Variants in VPS51 observed in about 807,000 individuals in gnomAD.
VPS51 encodes the protein vacuolar protein sorting-associated protein 51 homolog.
VPS51 carries 55 observed loss-of-function variants against 65.1 expected under a neutral mutation model. The ratio of observed to expected loss-of-function variants is 0.84; its 90% CI spans 0.68 to 1.06. The LOEUF (loss-of-function observed/expected upper bound fraction) is 1.06, where lower values mean the gene tolerates loss of function less well. Ranked by LOEUF, VPS51 falls within the 50% of genes least tolerant of loss-of-function variation. VPS51 has a pLI of 0.00. For missense variants in VPS51, 943 were observed against 1,101.6 expected (o/e 0.86, Z 2.04); for synonymous variants, 473 against 489.5 (o/e 0.97, Z 0.44).
At chr11:65,101,650 C>G (rs1202446674) in intron 2 of VPS51, among the ~76,000 whole-genome samples, 2 of 149,526 alleles carry the variant, frequency 1.3e-5, no homozygotes, top group Non-Finnish European at 3.0e-5. Context: ...CCCTGTAGTC[C>G]GAGCTGCTCA....
At position 65,108,218 on chromosome 11, in the gene VPS51, G is replaced by T; in HGVS notation, c.747G>T (p.Pro249=). The change falls in exon 5 of 10, where the codon CCG becomes CCT. Residue 249 remains proline (P), a synonymous_variant. Transcript: ENST00000279281. ...GCAGGGAGGGCGGCTCAGGCGCCCC[G>T]GAGCAGGCAGAGTGCGTGGAGCTGC... is the stretch of plus-strand genomic sequence containing the variant. ...QRFREGGSGA[P]EQAECVELLL... 1 of 1,599,718 alleles carries T rather than the reference G, an allele frequency of 6.3e-7. No homozygotes were observed.
In VPS51 at chr11:65,096,489, A is replaced by T; in HGVS notation, c.228+11A>T. The T allele has an allele frequency of 3.2e-6, 2 of 623,408 alleles. No homozygotes were observed. Among genetic ancestry groups the T allele is most frequent in the Non-Finnish European group, 5.1e-6 (2 of 395,188 alleles). 38.6% of individuals were successfully genotyped at this position (623,408 alleles called of 1,614,324 possible). A position where few individuals can be genotyped will look rare whatever the true frequency, so the allele number is the denominator to read the frequency against. On this transcript the variant is annotated intron_variant, in intron 1 of 9. Transcript: ENST00000279281. ...GTTTACCTAGACAAGGTGTGTGCGC[A>T]CGGGGAGTGGGGGGGTGCGGGGAGG...
chr11:65,101,762 C>CA (rs1165429983), intron 2 of VPS51, among the ~76,000 whole-genome samples: 6,907 of 26,264 alleles, frequency 0.26, 2,106 homozygotes, highest in Middle Eastern at 0.5. Context: ...GACCTTGTCT[C>CA]AAAAAAAAAA....
At position 65,108,129 on chromosome 11, in the gene VPS51, G is replaced by T; in HGVS notation, c.726-68G>T. On this transcript the variant is annotated intron_variant, in intron 4 of 9. Transcript: ENST00000279281. ...TGTCCCCCTGCCCTGTGTGTGCTTT[G>T]CTTTCCTGCTCCTGCCCCATCCACC... The T allele has an allele frequency of 6.4e-7, 1 of 1,557,868 alleles. No individual in the cohort carries two copies.
intron 9 of VPS51, chr11:65,111,119 A>C: frequency 1.2e-6 from 1 of 808,532 alleles, no homozygotes; most frequent in South Asian, 1.5e-5. Context: ...AAGCTCAGGG[A>C]TGCCTCTGAT....
At chr11:65,102,828 C>T (rs1170969364) in intron 2 of VPS51, among the ~76,000 whole-genome samples, 1 of 152,144 alleles carries the variant, frequency 6.6e-6, no homozygotes, top group African/African-American at 2.4e-5. Context: ...TCCTTTAGTT[C>T]ACCATCTATG....
chr11:65,098,018 C>T (rs1392197378), intron 2 of VPS51, among the ~76,000 whole-genome samples: 1 of 151,434 alleles, frequency 6.6e-6, no homozygotes, highest in Non-Finnish European at 1.5e-5. Flanking sequence ...CCCATCTCTA[C>T]TAAAAATAAA....
chr11:65,111,603 T>C lies in VPS51; in HGVS notation c.*16T>C, dbSNP rs1270449118. On this transcript the variant is annotated 3_prime_UTR_variant, in exon 10 of 10. Transcript: ENST00000279281. ...GCGCGGCTAGGCGCAGCCGCTGCCA[T>C]GCACCGGTCTGTCCCTGCACCCCAT... 1 of 1,594,276 alleles carries C rather than the reference T, an allele frequency of 6.3e-7. No individual in the cohort carries two copies. The highest frequency in any genetic ancestry group is 8.5e-7 in the Non-Finnish European group (1 of 1,175,868).
At chr11:65,100,525 G>GTTTTTTTTTTTTT in intron 2 of VPS51, among the ~76,000 whole-genome samples, 1 of 65,614 alleles carries the variant, frequency 1.5e-5, no homozygotes, top group Non-Finnish European at 2.8e-5. Flanking sequence ...TCATAGCAGT[G>GTTTTTTTTTTTTT]TTTTTTTTTT....
At chr11:65,110,664 G>A in intron 8 of VPS51, 30 bp from the exon 9 acceptor site, 1 of 1,614,158 alleles carries the variant, frequency 6.2e-7, no homozygotes, top group Non-Finnish European at 8.5e-7. Context: ...GTGCAGGGCG[G>A]GCTCTGATTC....
chr11:65,107,356 G>A lies in VPS51; in HGVS notation c.359-225G>A, dbSNP rs772541766. The A allele has an allele frequency of 3.2e-6, 2 of 631,722 alleles. No individual in the cohort carries two copies. Among genetic ancestry groups the A allele is most frequent in the South Asian group, 3.5e-5 (2 of 57,846 alleles). 39.1% of individuals were successfully genotyped at this position (631,722 alleles called of 1,614,324 possible). ...CGGCTCTCCTGGGCACCAGGGTTAG[G>A]GGGTTACGGGGAGTATGTGAGTAAC... On this transcript the variant is annotated intron_variant, in intron 2 of 9. Coordinates refer to ENST00000279281, the MANE Select transcript of VPS51 (RefSeq NM_013265.4). The surrounding 1 kb of genome is among the most constrained non-coding windows in gnomAD (Gnocchi z 4.0).
At chr11:65,108,164 G>C in intron 4 of VPS51, 33 bp from the exon 5 acceptor site, 1 of 1,587,558 alleles carries the variant, frequency 6.3e-7, no homozygotes, top group Non-Finnish European at 8.5e-7. Flanking sequence ...CGGCAGCCCC[G>C]GCCCTGCCCT....
In VPS51 at chr11:65,108,335, G is replaced by A; in HGVS notation, c.864G>A (p.Glu288=). The A allele has an allele frequency of 6.2e-7, 1 of 1,611,112 alleles. No homozygotes were observed. The highest frequency in any genetic ancestry group is 1.1e-5 in the South Asian group (1 of 90,876). Residue 288 remains glutamate (E), a synonymous_variant, in exon 5 of 10, where the codon GAG becomes GAA. Transcript: ENST00000279281. ...TGGAGAAGGAGCTGAGAAACCTGGA[G>A]GCCGAGCTGGGGCCCTCACCTCCGG... is the stretch of plus-strand genomic sequence containing the variant. ...GRLEKELRNL[E]AELGPSPPAP...
Position 65,109,320 on chromosome 11 carries a change from T to TA in VPS51, c.1484_1485insA (p.Phe497LeufsTer51), listed in dbSNP as rs1947870993. The TA allele has an allele frequency of 6.2e-7, 1 of 1,613,372 alleles. No homozygotes were observed. Among genetic ancestry groups the TA allele is most frequent in the Non-Finnish European group, 8.5e-7 (1 of 1,179,776 alleles). On this transcript the variant is annotated frameshift_variant, in exon 6 of 10. Coordinates refer to ENST00000279281, the MANE Select transcript of VPS51 (RefSeq NM_013265.4). LOFTEE classifies it high-confidence loss of function. ...CAGGGTGTCCGTGAGGGCCTCATCGTGGGCTTCGTCCACTCTATGTGCCAG... is the reference window on the plus strand; with the variant it reads ...CAGGGTGTCCGTGAGGGCCTCATCGTAGGGCTTCGTCCACTCTATGTGCCAG...
Position 65,111,602 on chromosome 11 carries a change from A to ATGCACCGGTCTGTCCC in VPS51, c.*22_*37dup. Reference sequence around the variant, plus strand: ...AGCGCGGCTAGGCGCAGCCGCTGCCATGCACCGGTCTGTCCCTGCACCCCA... The same window carrying ATGCACCGGTCTGTCCC: ...AGCGCGGCTAGGCGCAGCCGCTGCCATGCACCGGTCTGTCCCTGCACCGGTCTGTCCCTGCACCCCA... On this transcript the variant is annotated 3_prime_UTR_variant, in exon 10 of 10. Coordinates refer to ENST00000279281, the MANE Select transcript of VPS51 (RefSeq NM_013265.4). The ATGCACCGGTCTGTCCC allele has an allele frequency of 6.3e-7, 1 of 1,594,584 alleles. No individual in the cohort carries two copies. The highest frequency in any genetic ancestry group is 8.5e-7 in the Non-Finnish European group (1 of 1,176,048).
chr11:65,097,775 TGAGCCTGGGAGGTC>T, intron 2 of VPS51, among the ~76,000 whole-genome samples: 1 of 152,292 alleles, frequency 6.6e-6, no homozygotes, highest in East Asian at 1.9e-4. Context: ...GAGGATCACA[TGAGCCTGGGAGGTC>T]GAGGCTGCAG....
chr11:65,108,255 GGCGA>G lies in VPS51; in HGVS notation c.787_790del (p.Glu263LeufsTer21). ...GTGCGTGGAGCTGCTGCTGGCCCTG[GGCGA>G]GCCTGCGGAGGAGCTGTGCGAGGAG... is the stretch of plus-strand genomic sequence containing the variant. On this transcript the variant is annotated frameshift_variant, in exon 5 of 10. Transcript: ENST00000279281. LOFTEE classifies it high-confidence loss of function. 1 of 1,598,592 alleles carries G rather than the reference GGCGA, an allele frequency of 6.3e-7. No homozygotes were observed. Among genetic ancestry groups the G allele is most frequent in the Non-Finnish European group, 8.5e-7 (1 of 1,174,002 alleles).
At chr11:65,110,273 G>C in intron 7 of VPS51, 2 of 828,428 alleles carry the variant, frequency 2.4e-6, no homozygotes, top group Non-Finnish European at 3.8e-6. Flanking sequence ...CTGAAGATTA[G>C]ACCTCAGACC....
intron 2 of VPS51, among the ~76,000 whole-genome samples, chr11:65,103,022 C>T (rs1565311197): frequency 2.0e-5 from 3 of 152,128 alleles, no homozygotes; most frequent in East Asian, 1.9e-4. Flanking sequence ...GGTGTGATGG[C>T]GCTTGTGTGT....
Sources: allele counts gnomAD v4.1 joint callset (sites outside exome capture counted in the v4.1 genomes callset), GRCh38; gene constraint gnomAD v4.1.1; non-coding constraint Gnocchi (gnomAD v3.1); transcripts MANE v1.5; gene names NCBI Gene and HGNC (gene_info 2026-07-23, HGNC 2026-07-21).